Variants in TNFSF10 observed in about 807,000 individuals in gnomAD.
The protein encoded by TNFSF10 is tumor necrosis factor ligand superfamily member 10.
In TNFSF10, 13 loss-of-function variants were observed where a neutral mutation model predicts 29.5. The observed-to-expected ratio is 0.44, with a 90% CI of 0.29 to 0.70. The LOEUF (loss-of-function observed/expected upper bound fraction) is 0.70, where lower values mean the gene tolerates loss of function less well. Ranked by LOEUF, TNFSF10 falls within the 30% of genes least tolerant of loss-of-function variation. The pLI, the probability that TNFSF10 is intolerant of heterozygous loss-of-function variation, is 0.13. For missense variants in TNFSF10, 345 were observed against 330.9 expected (o/e 1.04, Z -0.33); for synonymous variants, 111 against 112.8 (o/e 0.98, Z 0.10).
intron 1 of TNFSF10, among the ~76,000 whole-genome samples, chr3:172,516,581 C>A (rs1243146101): frequency 6.6e-6 from 1 of 152,140 alleles, no homozygotes; most frequent in Non-Finnish European, 1.5e-5. Context: ...ATAGATCATT[C>A]ATTTACTTTT....
At chr3:172,513,399 C>G (rs536099860) in intron 2 of TNFSF10, among the ~76,000 whole-genome samples, 14 of 152,236 alleles carry the variant, frequency 9.2e-5, no homozygotes, top group Admixed American at 2.0e-4. Context: ...GTCCTTGCCC[C>G]CTGAACACTT....
At chr3:172,514,786 A>G (rs1713361723) in intron 2 of TNFSF10, 75 bp downstream of exon 2, 4 of 1,555,758 alleles carry the variant, frequency 2.6e-6, no homozygotes, top group Admixed American at 2.0e-5. Flanking sequence ...TGATTATCTT[A>G]AAGATTCCTT....
chr3:172,519,296 T>C (rs1370478241), intron 1 of TNFSF10, among the ~76,000 whole-genome samples: 2 of 152,244 alleles, frequency 1.3e-5, no homozygotes, highest in Admixed American at 6.5e-5. Context: ...AAGCCTTATA[T>C]GAAATTTCCA....
chr3:172,509,377 C>T, intron 3 of TNFSF10, 56 bp from the exon 4 acceptor site: 2 of 1,420,956 alleles, frequency 1.4e-6, no homozygotes, highest in East Asian at 4.6e-5. Flanking sequence ...TCTCCAATAC[C>T]TTGCTCTTCA....
In TNFSF10 at chr3:172,509,342, G is replaced by T. The variant is rs777341830; in HGVS notation, c.314-21C>A. The T allele has an allele frequency of 3.1e-6, 5 of 1,599,686 alleles. No homozygotes were observed. The East Asian group carries it at 1.1e-4, about 36-fold the overall frequency. On this transcript the variant is annotated intron_variant, in intron 3 of 4. Transcript: ENST00000241261. ...CTTTTCTAAAAGAGAAATGATAAAG[G>T]GTCATCAACACTTGCCAAACTAGTT...
At position 172,523,280 on chromosome 3, in the gene TNFSF10, G is replaced by A. The variant is rs41308132; in HGVS notation, c.105C>T (p.Tyr35=). 7,722 of 1,613,910 alleles carry A rather than the reference G, an allele frequency of 4.8e-3. 22 individuals carry two copies. The highest frequency in any genetic ancestry group is 5.9e-3 in the Non-Finnish European group (7,018 of 1,179,800). ...GCTTCAGCTCGTTGGTAAAGTACAC[G>A]TAAGTTACAGCCACACAGAGAGACT... ...LLQSLCVAVT[Y]VYFTNELKQM... Residue 35 remains tyrosine (Y), a synonymous_variant, in exon 1 of 5, where the codon TAC becomes TAT. Transcript: ENST00000241261.
At chr3:172,514,817 G>A (rs1201110636) in intron 2 of TNFSF10, 44 bp downstream of exon 2, 1 of 1,606,748 alleles carries the variant, frequency 6.2e-7, no homozygotes, top group African/African-American at 1.3e-5. Context: ...AATTCTTCTG[G>A]CCTTCTCCGC....
At chr3:172,512,966 G>A (rs751114382) in intron 2 of TNFSF10, among the ~76,000 whole-genome samples, 6 of 152,210 alleles carry the variant, frequency 3.9e-5, no homozygotes, top group South Asian at 4.2e-4. Context: ...CAGAGCTGTC[G>A]TGAGGATTAA....
At chr3:172,510,370 G>GTT (rs1713171989) in intron 3 of TNFSF10, among the ~76,000 whole-genome samples, 1 of 152,028 alleles carries the variant, frequency 6.6e-6, no homozygotes, top group South Asian at 2.1e-4. Context: ...TGGGAGGATT[G>GTT]TTTGAGGCCA....
At chr3:172,514,733 C>T (rs1216825387) in intron 2 of TNFSF10, 128 bp downstream of exon 2, 10 of 1,298,660 alleles carry the variant, frequency 7.7e-6, no homozygotes, top group Middle Eastern at 2.7e-4. Flanking sequence ...CTTAAATACT[C>T]TGGGCCTAAG....
intron 2 of TNFSF10, among the ~76,000 whole-genome samples, chr3:172,513,035 T>A: frequency 6.6e-6 from 1 of 152,266 alleles, no homozygotes; most frequent in East Asian, 1.9e-4. Context: ...GTTCAACTAA[T>A]GTGCCTGAAA....
intron 1 of TNFSF10, among the ~76,000 whole-genome samples, chr3:172,516,263 C>CAA (rs34276385): frequency 0.016 from 1,970 of 124,378 alleles, 36 homozygotes; most frequent in African/African-American, 0.045. Flanking sequence ...GACTCCATCT[C>CAA]AAAAAAAAAA....
At position 172,521,437 on chromosome 3, in the gene TNFSF10, C is replaced by A. The variant is rs539350988; in HGVS notation, c.132+1816G>T. Among the ~76,000 whole-genome samples the A allele has an allele frequency of 1.5e-4, 23 of 152,088 alleles. No homozygotes were observed. In the South Asian group the frequency reaches 2.1e-3, roughly 14 times the overall value. ...CAAAAGAAGACATTTATGTGGCCAACAAACATGAAAAAAAGCTCATCATCA... is the reference window on the plus strand; with the variant it reads ...CAAAAGAAGACATTTATGTGGCCAAAAAACATGAAAAAAAGCTCATCATCA... On this transcript the variant is annotated intron_variant, in intron 1 of 4. Coordinates refer to ENST00000241261, the MANE Select transcript of TNFSF10 (RefSeq NM_003810.4).
At chr3:172,517,704 T>C in intron 1 of TNFSF10, 2 of 985,228 alleles carry the variant, frequency 2.0e-6, no homozygotes, top group Non-Finnish European at 2.4e-6. Context: ...ATAAAAATGC[T>C]GTGTTCTTTA....
Position 172,507,187 on chromosome 3 carries a change from T to C in TNFSF10, c.419-268A>G, listed in dbSNP as rs1021252320. ...TTGTCAGCTGCTTATGCCACATGTG[T>C]CACACTTAGAATGGTAGCACAAGGG... On this transcript the variant is annotated intron_variant, in intron 4 of 4. Coordinates refer to ENST00000241261, the MANE Select transcript of TNFSF10 (RefSeq NM_003810.4). The C allele has an allele frequency of 6.9e-6, 3 of 433,042 alleles. No homozygotes were observed. In the Admixed American group the frequency reaches 1.2e-4, roughly 18 times the overall value. 26.8% of individuals were successfully genotyped at this position (433,042 alleles called of 1,614,324 possible).
intron 1 of TNFSF10, among the ~76,000 whole-genome samples, chr3:172,518,935 T>C (rs1192971527): frequency 9.5e-6 from 1 of 105,340 alleles, no homozygotes; most frequent in Admixed American, 9.2e-5. Context: ...TGAAAAAATG[T>C]ATTGTAAAAA....
In TNFSF10 at chr3:172,515,008, G is replaced by T; in HGVS notation, c.133-10C>A. ...AGTACTTGTCCTGCATCTGGGTTGA[G>T]ATGGAATATAACACAATATTTTGCA... On this transcript the variant is annotated splice_polypyrimidine_tract_variant and intron_variant, in intron 1 of 4. Coordinates refer to ENST00000241261, the MANE Select transcript of TNFSF10 (RefSeq NM_003810.4). The T allele has an allele frequency of 6.2e-7, 1 of 1,614,056 alleles. No individual in the cohort carries two copies. The highest frequency in any genetic ancestry group is 8.5e-7 in the Non-Finnish European group (1 of 1,179,994).
At position 172,514,976 on chromosome 3, in the gene TNFSF10, C is replaced by T. The variant is rs1400418113; in HGVS notation, c.155G>A (p.Ser52Asn). 1 of 1,614,146 alleles carries T rather than the reference C, an allele frequency of 6.2e-7. No individual in the cohort carries two copies. Among genetic ancestry groups the T allele is most frequent in the South Asian group, 1.1e-5 (1 of 91,080 alleles). The change falls in exon 2 of 5, where the codon AGT becomes AAT. Residue 52 changes from serine to asparagine, a missense_variant. Coordinates refer to ENST00000241261, the MANE Select transcript of TNFSF10 (RefSeq NM_003810.4). Reference sequence around the variant, plus strand: ...TTCTTTTAAGAAACAAGCAATGCCACTTTTGGAGTACTTGTCCTGCATCTG... The same window carrying T: ...TTCTTTTAAGAAACAAGCAATGCCATTTTTGGAGTACTTGTCCTGCATCTG... ...LKQMQDKYSKSGIACFLKEDD... is the reference protein window; with the variant it reads ...LKQMQDKYSKNGIACFLKEDD...
In TNFSF10 at chr3:172,509,220, G is replaced by C. The variant is rs1245437510; in HGVS notation, c.415C>G (p.Pro139Ala). The change falls in exon 4 of 5, where the codon CCA becomes GCA. Residue 139 changes from proline (P) to alanine (A), a missense_variant. Pro to Ala is a conservative substitution (Grantham distance 27, BLOSUM62 -1). Transcript: ENST00000241261. ...ACTTATTTGTTGTTTCTCTTACTTG[G>C]AGAAGACAATGTGTTGCTTCTTCCT... ...TRGRSNTLSS[P>A]NSKNEKALGR... is the part of the protein sequence containing the mutation. The C allele has an allele frequency of 1.9e-6, 3 of 1,611,610 alleles. No homozygotes were observed. Among genetic ancestry groups the C allele is most frequent in the Non-Finnish European group, 1.7e-6 (2 of 1,178,518 alleles).
Sources: gnomAD v4.1 joint callset for allele counts (sites outside exome capture counted in the v4.1 genomes callset) on GRCh38, gnomAD v4.1.1 for gene constraint, MANE v1.5 for transcripts, NCBI Gene and HGNC (gene_info 2026-07-23, HGNC 2026-07-21) for gene names.